Variants in TRIM36 observed in about 807,000 individuals in gnomAD.
TRIM36 encodes the protein E3 ubiquitin-protein ligase TRIM36.
TRIM36 carries 42 observed loss-of-function variants against 72.4 expected under a neutral mutation model. The observed-to-expected ratio is 0.58, with a 90% CI of 0.45 to 0.75. The LOEUF (loss-of-function observed/expected upper bound fraction) is 0.75. Among genes scored for constraint, TRIM36 ranks in the 30% least tolerant of loss-of-function variants. TRIM36 has a pLI of 0.00. For missense variants in TRIM36, 913 were observed against 857.1 expected (o/e 1.07, Z -0.81); for synonymous variants, 315 against 282.8 (o/e 1.11, Z -1.14).
rs1753479678 is a variant in TRIM36 at position 115,144,641 on chromosome 5, T to C, written c.692A>G (p.Asn231Ser). The C allele has an allele frequency of 1.2e-6, 2 of 1,614,154 alleles. No individual in the cohort carries two copies. Among genetic ancestry groups the C allele is most frequent in the African/African-American group, 1.3e-5 (1 of 75,058 alleles). The change falls in exon 4 of 10, where the codon AAC becomes AGC. Residue 231 changes from asparagine to serine, a missense_variant. Physicochemically the swap from Asn to Ser is conservative, Grantham distance 46. Transcript: ENST00000513154. ...HLCKLGGNHA[N>S]HRVTTMSSAY... ...ACTGCTCATAGTGGTTACACGGTGG[T>C]TGGCATGATTACCACCCAACTTACA...
rs1753121305 is a variant in TRIM36 at position 115,138,939 on chromosome 5, C to G, written c.832-1323G>C. Among the ~76,000 whole-genome samples, 6 of 152,206 alleles carry G rather than the reference C, an allele frequency of 3.9e-5. No individual in the cohort carries two copies. The South Asian group carries it at 1.2e-3, about 32-fold the overall frequency. On this transcript the variant is annotated intron_variant, in intron 5 of 9. Coordinates refer to ENST00000513154, the MANE Select transcript of TRIM36 (RefSeq NM_001300759.2). ...CACGCCATTCTCCTGCCTCAGCCTC[C>G]CGAGTAGCTGGGACTACGGGCGCCC...
At chr5:115,132,350 A>G (rs963947760) in intron 8 of TRIM36, among the ~76,000 whole-genome samples, 1 of 151,884 alleles carries the variant, frequency 6.6e-6, no homozygotes, top group Non-Finnish European at 1.5e-5. Flanking sequence ...CCTGGCCAAC[A>G]TGGTGAAACC....
intron 8 of TRIM36, 30 bp from the exon 9 acceptor site, chr5:115,130,919 TA>T (rs1489657263): frequency 6.3e-7 from 1 of 1,581,110 alleles, no homozygotes; most frequent in Non-Finnish European, 8.6e-7. Flanking sequence ...AATATCAGGC[TA>T]AAAATTATCA....
At chr5:115,179,847 C>T in intron 1 of TRIM36, 2 of 848,444 alleles carry the variant, frequency 2.4e-6, no homozygotes, top group East Asian at 2.6e-5. Flanking sequence ...GGGCTGCGAG[C>T]GCGGCTCCTG....
Position 115,169,724 on chromosome 5 carries a change from C to T in TRIM36, c.-90G>A. 6.8e-7 allele frequency: 1 copy of T among 1,477,212 alleles called. No individual in the cohort carries two copies. The highest frequency in any genetic ancestry group is 1.7e-4 in the Middle Eastern group (1 of 5,784). 91.5% of individuals were successfully genotyped at this position (1,477,212 alleles called of 1,614,324 possible). ...CTGGTGGGCGGGTCCCTGCGGCGGC[C>T]GTGGAGCCTCGGTCCGAAGCTGGAA... On this transcript the variant is annotated 5_prime_UTR_variant, in exon 1 of 10. Transcript: ENST00000513154.
upstream of TRIM36, chr5:115,169,999 G>C (rs982703768): frequency 5.5e-6 from 6 of 1,100,902 alleles, no homozygotes; most frequent in South Asian, 2.1e-4. Context: ...AACAGCGCCA[G>C]TCGCACAAAA....
chr5:115,128,517 C>G (rs1479556505), intron 9 of TRIM36, among the ~76,000 whole-genome samples: 1 of 151,416 alleles, frequency 6.6e-6, no homozygotes, highest in Non-Finnish European at 1.5e-5. Context: ...CTTTGGGAGG[C>G]TGAGGCGGGT....
chr5:115,168,620 C>T (rs778360080), intron 1 of TRIM36, among the ~76,000 whole-genome samples: 11 of 152,152 alleles, frequency 7.2e-5, no homozygotes, highest in Non-Finnish European at 1.2e-4. Flanking sequence ...GTGGGTGTTT[C>T]GATGCAGTCT....
At chr5:115,180,139 C>T in exon 1 of TRIM36, 5 of 1,176,960 alleles carry the variant, frequency 4.2e-6, no homozygotes, top group Non-Finnish European at 6.2e-6. Context: ...GCCGAGCTCC[C>T]CGCCCATAAG....
intron 7 of TRIM36, among the ~76,000 whole-genome samples, chr5:115,136,584 G>C (rs1752975774): frequency 6.6e-6 from 1 of 151,982 alleles, no homozygotes; most frequent in African/African-American, 2.4e-5. Context: ...ACTCTGACAA[G>C]GATGTGCGAC....
chr5:115,136,338 T>C lies in TRIM36; in HGVS notation c.1210+662A>G, dbSNP rs543545890. Among the ~76,000 whole-genome samples, 63 of 152,086 alleles carry C rather than the reference T, an allele frequency of 4.1e-4. 2 individuals are homozygous for C. In the South Asian group the frequency reaches 1.0e-2, roughly 24 times the overall value. ...ACCATGTGAAGACACAAGGAGAAGA[T>C]AGCCATTTATCATTTATCAACCAAG... is the stretch of plus-strand genomic sequence containing the variant. On this transcript the variant is annotated intron_variant, in intron 7 of 9. Transcript: ENST00000513154.
chr5:115,153,049 A>C (rs766814087), intron 2 of TRIM36, among the ~76,000 whole-genome samples: 20 of 152,214 alleles, frequency 1.3e-4, no homozygotes, highest in Non-Finnish European at 2.4e-4. Context: ...TACCAACTGA[A>C]TGTAAATGGC....
At chr5:115,171,263 A>G (rs1364498731), upstream of TRIM36, 1 of 1,611,260 alleles carries the variant, frequency 6.2e-7, no homozygotes, top group Non-Finnish European at 8.5e-7. Context: ...GAGGGACTAT[A>G]GCAATTTTCT....
chr5:115,157,499 G>T (rs1754238427), intron 2 of TRIM36, among the ~76,000 whole-genome samples: 1 of 152,064 alleles, frequency 6.6e-6, no homozygotes, highest in African/African-American at 2.4e-5. Context: ...GGTGGGCGGA[G>T]GTTCCAGTGA....
intron 8 of TRIM36, among the ~76,000 whole-genome samples, chr5:115,131,266 T>C (rs1177889393): frequency 3.3e-5 from 5 of 152,216 alleles, no homozygotes; most frequent in African/African-American, 1.2e-4. Flanking sequence ...TAAATAGTTC[T>C]ACATTTTCTT....
At chr5:115,155,572 C>T (rs1206382664) in intron 2 of TRIM36, among the ~76,000 whole-genome samples, 2 of 152,168 alleles carry the variant, frequency 1.3e-5, no homozygotes, top group African/African-American at 4.8e-5. Context: ...ATCACATGCT[C>T]ATCTCAATAG....
At chr5:115,167,070 C>A (rs1162426617) in intron 1 of TRIM36, among the ~76,000 whole-genome samples, 2 of 152,182 alleles carry the variant, frequency 1.3e-5, no homozygotes, top group Non-Finnish European at 2.9e-5. Context: ...GTCAAGTGGG[C>A]AGAACAAGCC....
chr5:115,140,300 G>T (rs1204653988), intron 5 of TRIM36, among the ~76,000 whole-genome samples: 1 of 152,072 alleles, frequency 6.6e-6, no homozygotes, highest in Non-Finnish European at 1.5e-5. Context: ...TGTTTCAAAT[G>T]GAGAAGAAAA....
chr5:115,127,078 T>C (rs1231343482), intron 9 of TRIM36, among the ~76,000 whole-genome samples: 1 of 152,240 alleles, frequency 6.6e-6, no homozygotes, highest in Non-Finnish European at 1.5e-5. Flanking sequence ...GCTTTAGTTA[T>C]ATACAGAAGT....
Sources: gnomAD v4.1 joint callset for allele counts (sites outside exome capture counted in the v4.1 genomes callset) on GRCh38, gnomAD v4.1.1 for gene constraint, MANE v1.5 for transcripts, NCBI Gene and HGNC (gene_info 2026-07-23, HGNC 2026-07-21) for gene names.